Variants in THSD7A observed in about 807,000 individuals in gnomAD.
The protein encoded by THSD7A is thrombospondin type-1 domain-containing protein 7A.
THSD7A carries 96 observed loss-of-function variants against 231.3 expected under a neutral mutation model. The observed-to-expected ratio is 0.41, with a 90% CI of 0.35 to 0.49. The LOEUF (loss-of-function observed/expected upper bound fraction) is 0.49. THSD7A is among the 20% of genes least tolerant of loss of function. The pLI, the probability that THSD7A is intolerant of heterozygous loss-of-function variation, is 0.05. For synonymous variants in THSD7A, 940 were observed against 743.3 expected (o/e 1.26, Z -4.30); for missense variants, 2,290 against 2,070.2 (o/e 1.11, Z -2.06).
chr7:11,462,129 T>G lies in THSD7A; in HGVS notation c.2383A>C (p.Arg795=). Residue 795 remains arginine (R), a synonymous_variant, in exon 10 of 28, where the codon AGG becomes CGG. Transcript: ENST00000423059. ...SSCKEGDSSI[R]KQSRHRVIIQ... is the part of the protein sequence containing the mutation. ...ATGACCCGATGCCTAGACTGCTTCC[T>G]GATACTGGAGTCCCCTGCAATGAAG... is the stretch of plus-strand genomic sequence containing the variant. 1 of 1,613,762 alleles carries G rather than the reference T, an allele frequency of 6.2e-7. No homozygotes were observed. Among genetic ancestry groups the G allele is most frequent in the Non-Finnish European group, 8.5e-7 (1 of 1,179,742 alleles).
intron 1 of THSD7A, among the ~76,000 whole-genome samples, chr7:11,790,129 A>G (rs1207033005): frequency 2.0e-5 from 3 of 152,002 alleles, no homozygotes; most frequent in Admixed American, 1.3e-4. Flanking sequence ...TAATTTCAAA[A>G]ATCAGAGTTA....
chr7:11,393,764 C>T (rs577766426), intron 23 of THSD7A, among the ~76,000 whole-genome samples: 5 of 152,228 alleles, frequency 3.3e-5, no homozygotes, highest in Admixed American at 6.5e-5. Context: ...GAAACAATAT[C>T]AGAGATTGAA....
chr7:11,790,073 A>G (rs1424142651), intron 1 of THSD7A, among the ~76,000 whole-genome samples: 4 of 152,052 alleles, frequency 2.6e-5, no homozygotes, highest in African/African-American at 9.7e-5. Context: ...TGTTGTGGAG[A>G]TAAAAAGACA....
chr7:11,528,492 A>C (rs1788569459), intron 6 of THSD7A, among the ~76,000 whole-genome samples: 1 of 152,176 alleles, frequency 6.6e-6, no homozygotes, highest in African/African-American at 2.4e-5. Flanking sequence ...TCTTTTCCTC[A>C]AAGAAAAATC....
At chr7:11,730,013 C>T (rs977234313) in intron 1 of THSD7A, among the ~76,000 whole-genome samples, 1 of 151,628 alleles carries the variant, frequency 6.6e-6, no homozygotes, top group Non-Finnish European at 1.5e-5. Flanking sequence ...AAATTTTCAA[C>T]ATCAACAACA....
At chr7:11,375,936 T>G (rs1363745590) in intron 27 of THSD7A, 58 bp from the exon 28 acceptor site, 4 of 1,525,480 alleles carry the variant, frequency 2.6e-6, no homozygotes, top group East Asian at 4.5e-5. Flanking sequence ...TAAATTTGAT[T>G]GCTTTAAGCG....
chr7:11,548,845 T>C (rs1327368937), intron 4 of THSD7A, among the ~76,000 whole-genome samples: 1 of 82,682 alleles, frequency 1.2e-5, no homozygotes, highest in East Asian at 3.5e-4. Flanking sequence ...CAGAGGAAAA[T>C]ACCTAAAAAA....
chr7:11,657,343 C>G (rs1378695338), intron 1 of THSD7A, among the ~76,000 whole-genome samples: 3 of 151,520 alleles, frequency 2.0e-5, no homozygotes. Context: ...GTAGAGAATT[C>G]CAGGAATAGG....
At chr7:11,651,486 ACTATCTATCTATCTATCTAT>A (rs3031459) in intron 1 of THSD7A, among the ~76,000 whole-genome samples, 8 of 149,666 alleles carry the variant, frequency 5.3e-5, no homozygotes, top group African/African-American at 1.5e-4. Flanking sequence ...CTATCTATCA[ACTATCTATCTATCTATCTAT>A]CTATCTATCT....
chr7:11,727,032 C>T (rs181648177), intron 1 of THSD7A, among the ~76,000 whole-genome samples: 1 of 151,998 alleles, frequency 6.6e-6, no homozygotes, highest in Non-Finnish European at 1.5e-5. Context: ...CCCAGGCTCA[C>T]TTCACAGGCA....
Position 11,477,084 on chromosome 7 carries a change from G to C in THSD7A, c.2018-2516C>G, listed in dbSNP as rs67060383. 8.2e-3 allele frequency among the ~76,000 whole-genome samples: 1,247 copies of C among 151,994 alleles called. 23 individuals carry two copies. The highest frequency in any genetic ancestry group is 0.029 in the African/African-American group (1,182 of 41,460). On this transcript the variant is annotated intron_variant, in intron 7 of 27. Coordinates refer to ENST00000423059, the MANE Select transcript of THSD7A (RefSeq NM_015204.3). ...ATCAGAATATAAACAGATAAGTTATGACCATTGAATCCTCAGACTGCATTC... is the reference window on the plus strand; with the variant it reads ...ATCAGAATATAAACAGATAAGTTATCACCATTGAATCCTCAGACTGCATTC...
At chr7:11,733,400 G>A (rs1158726792) in intron 1 of THSD7A, among the ~76,000 whole-genome samples, 1 of 151,842 alleles carries the variant, frequency 6.6e-6, no homozygotes, top group Non-Finnish European at 1.5e-5. Flanking sequence ...TAAAAATCCA[G>A]AAAATATCTA....
At position 11,831,975 on chromosome 7, in the gene THSD7A, G is replaced by C; in HGVS notation, c.-29C>G. ...GCCTGCAGCCACTCCAGGGTCCAGA[G>C]CCGTAGCACGCTCGGCAGGGAATTT... is the stretch of plus-strand genomic sequence containing the variant. On this transcript the variant is annotated 5_prime_UTR_variant, in exon 1 of 28. Coordinates refer to ENST00000423059, the MANE Select transcript of THSD7A (RefSeq NM_015204.3). The surrounding 1 kb of genome is among the most constrained non-coding windows in gnomAD (Gnocchi z 5.0). The C allele has an allele frequency of 8.2e-7, 1 of 1,218,974 alleles. No individual in the cohort carries two copies. The highest frequency in any genetic ancestry group is 1.0e-6 in the Non-Finnish European group (1 of 979,380). The allele number at this position is 1,218,974 out of a possible 1,614,324, so 75.5% of individuals were successfully genotyped here.
At chr7:11,496,723 G>A (rs1461049334) in intron 6 of THSD7A, among the ~76,000 whole-genome samples, 1 of 152,210 alleles carries the variant, frequency 6.6e-6, no homozygotes, top group East Asian at 1.9e-4. Context: ...TACAAGTAAG[G>A]AAACTATACA....
intron 4 of THSD7A, among the ~76,000 whole-genome samples, chr7:11,571,505 T>G (rs1354904595): frequency 1.3e-5 from 2 of 152,330 alleles, no homozygotes; most frequent in East Asian, 1.9e-4. Flanking sequence ...TGGACTATTT[T>G]AAATTTTTAA....
chr7:11,445,467 C>T (rs960048342), intron 13 of THSD7A, among the ~76,000 whole-genome samples: 1 of 151,764 alleles, frequency 6.6e-6, no homozygotes, highest in Non-Finnish European at 1.5e-5. Flanking sequence ...TAAAAGTGGG[C>T]ACAGTTTCCT....
chr7:11,583,850 G>A (rs1039116143), intron 4 of THSD7A, among the ~76,000 whole-genome samples: 1 of 152,072 alleles, frequency 6.6e-6, no homozygotes, highest in African/African-American at 2.4e-5. Flanking sequence ...TTGGACTCAT[G>A]GAAGTAAGCA....
At chr7:11,700,088 G>A (rs1780539874) in intron 1 of THSD7A, among the ~76,000 whole-genome samples, 1 of 151,226 alleles carries the variant, frequency 6.6e-6, no homozygotes, top group Non-Finnish European at 1.5e-5. Flanking sequence ...AATTATTAAA[G>A]ATTTACTATT....
rs1454521516 is a variant in THSD7A at position 11,444,007 on chromosome 7, C to T, written c.3064+2054G>A. Among the ~76,000 whole-genome samples, 1 of 151,990 alleles carries T rather than the reference C, an allele frequency of 6.6e-6. No homozygotes were observed. Among genetic ancestry groups the T allele is most frequent in the East Asian group, 1.9e-4 (1 of 5,160 alleles). ...GGGCAAAGGATATGAACAGGCAGTT[C>T]TCAAAAGACGACATTTATGTGGCTA... On this transcript the variant is annotated intron_variant, in intron 13 of 27. Transcript: ENST00000423059. The surrounding 1 kb of genome is among the most constrained non-coding windows in gnomAD (Gnocchi z 4.2).
Sources: gnomAD v4.1 joint callset for allele counts (sites outside exome capture counted in the v4.1 genomes callset) on GRCh38, gnomAD v4.1.1 for gene constraint, Gnocchi (gnomAD v3.1) non-coding constraint, MANE v1.5 for transcripts, NCBI Gene and HGNC (gene_info 2026-07-23, HGNC 2026-07-21) for gene names.